The following SF3B3 variants were observed in gnomAD, a reference collection of about 807,000 sequenced individuals.
SF3B3 encodes splicing factor 3b subunit 3, also known as SAP 130.
In SF3B3, 33 loss-of-function variants were observed where a neutral mutation model predicts 139.2. That is an observed-to-expected ratio of 0.24 (90% CI 0.18 to 0.32). The LOEUF (loss-of-function observed/expected upper bound fraction) is 0.32. Ranked by LOEUF, SF3B3 falls within the 10% of genes least tolerant of loss-of-function variation. The probability of loss-of-function intolerance (pLI) is 1.00; values close to 1 mark genes in which losing one functional copy is unlikely to be tolerated. For missense variants in SF3B3, 818 were observed against 1,509.4 expected, an observed-to-expected ratio of 0.54 and a Z score of 7.59; for synonymous variants, 596 against 563.6, an observed-to-expected ratio of 1.06 and a Z score of -0.81.
intron 19 of SF3B3, 25 bp from the exon 20 acceptor site, chr16:70,565,343 C>T (rs758650283): frequency 2.7e-5 from 44 of 1,613,848 alleles, no homozygotes; most frequent in Non-Finnish European, 8.5e-7. Flanking sequence ...TAAGGCCTTA[C>T]TCTTGCTTCT....
In SF3B3 at chr16:70,576,814, G is replaced by A. The variant is rs1327366637; in HGVS notation, c.*5001G>A. ...CCTCTAAGCATAGTCTTGGTTTCCT[G>A]CCTGTAAATTGGTAGAATAAGACTG... On this transcript the variant is annotated 3_prime_UTR_variant, in exon 26 of 26. Transcript: ENST00000302516. The A allele has an allele frequency of 1.3e-5, 2 of 152,204 alleles. No homozygotes were observed. Among genetic ancestry groups the A allele is most frequent in the African/African-American group, 4.8e-5 (2 of 41,444 alleles). 9.4% of individuals were successfully genotyped at this position (152,204 alleles called of 1,614,324 possible).
chr16:70,576,232 A>C lies in SF3B3; in HGVS notation c.*4419A>C, dbSNP rs1166737173. The C allele has an allele frequency of 3.3e-5, 5 of 152,286 alleles. No homozygotes were observed. The South Asian group carries it at 6.2e-4, about 19-fold the overall frequency. The allele number at this position is 152,286 out of a possible 1,614,324, so 9.4% of individuals were successfully genotyped here. ...AAATATCAAAGAAAACCAGGTTTGG[A>C]AGTTTCAGATTTGGAAAAGGAGCTG... On this transcript the variant is annotated 3_prime_UTR_variant, in exon 26 of 26. Coordinates refer to ENST00000302516, the MANE Select transcript of SF3B3 (RefSeq NM_012426.5).
intron 14 of SF3B3, chr16:70,556,655 A>T (rs1387299246): frequency 1.6e-6 from 1 of 607,700 alleles, no homozygotes; most frequent in African/African-American, 1.9e-5. Context: ...GCTTTGCTTA[A>T]TTACCTTTGC....
At chr16:70,530,700 C>T in intron 3 of SF3B3, 45 bp from the exon 4 acceptor site, 1 of 1,512,836 alleles carries the variant, frequency 6.6e-7, no homozygotes, top group Non-Finnish European at 9.0e-7. Context: ...AGTCTCTCTT[C>T]TCATTATCTG....
chr16:70,544,949 T>A (rs1172404127), intron 10 of SF3B3, among the ~76,000 whole-genome samples: 1 of 152,262 alleles, frequency 6.6e-6, no homozygotes, highest in Non-Finnish European at 1.5e-5. Context: ...AACATTTCAC[T>A]CTCTGTATAC....
chr16:70,530,847 T>C lies in SF3B3; in HGVS notation c.500T>C (p.Val167Ala). 6.2e-7 allele frequency: 1 copy of C among 1,614,128 alleles called. No homozygotes were observed. Residue 167 changes from valine (V) to alanine (A), a missense_variant, in exon 4 of 26, where the codon GTG (valine) becomes GCG (alanine). This residue lies in a region of SF3B3 where 144 missense variants were observed against 259.2 expected (regional missense o/e 0.56). Coordinates refer to ENST00000302516, the MANE Select transcript of SF3B3 (RefSeq NM_012426.5). Reference protein sequence around the residue: ...PLEAHKANTLVYHVVGVDVGF... With the variant: ...PLEAHKANTLAYHVVGVDVGF... ...GAAGCCCACAAAGCAAACACTTTAG[T>C]GTATCATGTAGTTGGAGTAGATGTC...
chr16:70,571,963 T>C lies in SF3B3; in HGVS notation c.*150T>C, dbSNP rs2050533512. On this transcript the variant is annotated 3_prime_UTR_variant, in exon 26 of 26. Coordinates refer to ENST00000302516, the MANE Select transcript of SF3B3 (RefSeq NM_012426.5). The stretch of plus-strand genomic sequence containing the variant: ...GTCAACAGCTCTTTCCCCTCAGCTC[T>C]TCTCCTGGAATGACTGGCTTCCCCT... The C allele has an allele frequency of 2.1e-6, 2 of 944,800 alleles. No individual in the cohort carries two copies. Among genetic ancestry groups the C allele is most frequent in the Non-Finnish European group, 3.2e-6 (2 of 625,900 alleles). The allele number at this position is 944,800 out of a possible 1,614,324, so 58.5% of individuals were successfully genotyped here. A position where few individuals can be genotyped will look rare whatever the true frequency, so the allele number is the denominator to read the frequency against.
chr16:70,543,471 G>A (rs1390760901), intron 9 of SF3B3, among the ~76,000 whole-genome samples: 1 of 152,026 alleles, frequency 6.6e-6, no homozygotes, highest in Non-Finnish European at 1.5e-5. Context: ...ACTTTGGGAG[G>A]CCGAGGCGGG....
At chr16:70,554,903 TACTA>T (rs1301520755) in intron 12 of SF3B3, 144 bp from the exon 13 acceptor site, 13 of 739,694 alleles carry the variant, frequency 1.8e-5, no homozygotes, top group Non-Finnish European at 2.8e-5. Context: ...GCCTGAGGCC[TACTA>T]ACTCTTTTGT....
At chr16:70,547,742 G>A (rs1000072097) in intron 10 of SF3B3, among the ~76,000 whole-genome samples, 6 of 152,116 alleles carry the variant, frequency 3.9e-5, no homozygotes, top group Non-Finnish European at 8.8e-5. Flanking sequence ...TACGGCACCC[G>A]CCATCATGCC....
rs34272829 is a variant in SF3B3 at position 70,547,027 on chromosome 16, C to CAA, written c.1330-1332_1330-1331dup. 8.1e-4 allele frequency among the ~76,000 whole-genome samples: 121 copies of CAA among 148,884 alleles called. 1 individual carries two copies. In the South Asian group the frequency reaches 0.018, roughly 22 times the overall value. ...TGGGCGACAGAGCGAGACTCCGTCT[C>CAA]AAAAAAAAAAAATTTTTTTTTAAAT... On this transcript the variant is annotated intron_variant, in intron 10 of 25. Coordinates refer to ENST00000302516, the MANE Select transcript of SF3B3 (RefSeq NM_012426.5).
In SF3B3 at chr16:70,544,434, G is replaced by A; in HGVS notation, c.1234-4G>A. On this transcript the variant is annotated splice_region_variant and splice_polypyrimidine_tract_variant and intron_variant, in intron 9 of 25. Transcript: ENST00000302516. ...TTTTTTCCTCTAACTTTTTCTCTGT[G>A]CAGATAGCTGATCTGGCCAATGAAG... 1.3e-6 allele frequency: 2 copies of A among 1,594,936 alleles called. No individual in the cohort carries two copies. The highest frequency in any genetic ancestry group is 1.7e-6 in the Non-Finnish European group (2 of 1,163,440).
chr16:70,551,839 A>T (rs1442333622), intron 11 of SF3B3, among the ~76,000 whole-genome samples: 1 of 152,166 alleles, frequency 6.6e-6, no homozygotes, highest in Non-Finnish European at 1.5e-5. Context: ...CTTGGACTCC[A>T]ACTTTTAATC....
intron 18 of SF3B3, among the ~76,000 whole-genome samples, chr16:70,564,317 A>C (rs1411819684): frequency 6.6e-6 from 1 of 152,182 alleles, no homozygotes; most frequent in East Asian, 1.9e-4. Flanking sequence ...GACTGCAGTG[A>C]GCCATGATCA....
At position 70,569,170 on chromosome 16, in the gene SF3B3, A is replaced by T. The variant is rs1054306390; in HGVS notation, c.3264+29A>T. The stretch of plus-strand genomic sequence containing the variant: ...AGATTGCAGAATGGGCCCCAGGGAG[A>T]ACACTGCTTAGCACTTTTCCTGTTG... On this transcript the variant is annotated intron_variant, in intron 23 of 25. Transcript: ENST00000302516. The T allele has an allele frequency of 3.4e-6, 5 of 1,489,526 alleles. No homozygotes were observed. The Admixed American group carries it at 7.3e-5, about 22-fold the overall frequency. The allele number at this position is 1,489,526 out of a possible 1,614,324, so 92.3% of individuals were successfully genotyped here.
At chr16:70,563,822 C>T in intron 17 of SF3B3, 54 bp from the exon 18 acceptor site, 1 of 1,557,460 alleles carries the variant, frequency 6.4e-7, no homozygotes, top group South Asian at 1.1e-5. Flanking sequence ...TATTTCAACA[C>T]CAGTTTCTGG....
At chr16:70,561,889 C>A in intron 17 of SF3B3, 105 bp downstream of exon 17, 3 of 921,334 alleles carry the variant, frequency 3.3e-6, no homozygotes, top group Non-Finnish European at 5.0e-6. Context: ...TGGCAGAGAG[C>A]CGACTTCACC....
intron 9 of SF3B3, among the ~76,000 whole-genome samples, 188 bp downstream of exon 9, chr16:70,542,022 T>C (rs1043190882): frequency 3.3e-5 from 5 of 152,202 alleles, no homozygotes; most frequent in African/African-American, 1.2e-4. Context: ...AAACTCACGT[T>C]TAATGTAAAA....
chr16:70,556,614 G>A (rs984702595), intron 14 of SF3B3: 81 of 596,262 alleles, frequency 1.4e-4, no homozygotes, highest in Non-Finnish European at 1.0e-4. Context: ...TTGACTTGCT[G>A]CAGGACCCTA....
Sources: allele counts gnomAD v4.1 joint callset (sites outside exome capture counted in the v4.1 genomes callset), GRCh38; gene constraint gnomAD v4.1.1; regional missense constraint gnomAD v4.1.1; transcripts MANE v1.5; gene names NCBI Gene and HGNC (gene_info 2026-07-23, HGNC 2026-07-21).